Variants in PPP1R12A observed in about 807,000 individuals in gnomAD.
The protein encoded by PPP1R12A is myosin binding subunit.
A neutral mutation model predicts 139.6 loss-of-function variants in PPP1R12A; 19 were observed. The ratio of observed to expected loss-of-function variants is 0.14; its 90% CI spans 0.09 to 0.20. The LOEUF is 0.20. PPP1R12A is among the 10% of genes least tolerant of loss of function. The pLI, the probability that PPP1R12A is intolerant of heterozygous loss-of-function variation, is 1.00. For synonymous variants in PPP1R12A, 427 were observed against 420.6 expected (o/e 1.02, Z -0.19); for missense variants, 925 against 1,211.5 (o/e 0.76, Z 3.51).
chr12:79,930,198 G>A (rs1275367670), intron 1 of PPP1R12A, among the ~76,000 whole-genome samples: 1 of 152,194 alleles, frequency 6.6e-6, no homozygotes, highest in Non-Finnish European at 1.5e-5. Flanking sequence ...GCAAACGAGG[G>A]AGAGAGGATA....
In PPP1R12A at chr12:79,775,039, A is replaced by AAT. The variant is rs975931432; in HGVS notation, c.*888_*889dup. ...CTACTCTGCATTAGCAGACATTTGA[A>AAT]ATAAGAAATAGTCAAGCATGCCATG... is the stretch of plus-strand genomic sequence containing the variant. On this transcript the variant is annotated 3_prime_UTR_variant, in exon 25 of 25. Transcript: ENST00000450142. 6.6e-6 allele frequency: 1 copy of AAT among 152,528 alleles called. No homozygotes were observed. Among genetic ancestry groups the AAT allele is most frequent in the African/African-American group, 2.4e-5 (1 of 41,440 alleles). The allele number at this position is 152,528 out of a possible 1,614,324, so 9.4% of individuals were successfully genotyped here. A position where few individuals can be genotyped will look rare whatever the true frequency, so the allele number is the denominator to read the frequency against.
At chr12:79,877,403 G>A (rs924476869) in intron 1 of PPP1R12A, among the ~76,000 whole-genome samples, 2 of 152,152 alleles carry the variant, frequency 1.3e-5, no homozygotes, top group African/African-American at 4.8e-5. Flanking sequence ...ATTTAATGAC[G>A]AAGAAACATA....
intron 2 of PPP1R12A, among the ~76,000 whole-genome samples, chr12:79,851,268 G>A (rs1372949877): frequency 1.3e-5 from 2 of 152,124 alleles, no homozygotes; most frequent in Admixed American, 6.5e-5. Flanking sequence ...AAGTCTCTGA[G>A]CAACAAAATG....
chr12:79,805,667 G>A lies in PPP1R12A; in HGVS notation c.1925C>T (p.Ala642Val). ...IPVAPTVVNA[A>V]ASTTTLTTTT... ...TGTAGTCAGGGTTGTGGTAGAAGCT[G>A]CAGCATTTACAACAGTTGGAGCAAC... The change falls in exon 14 of 25, where the codon GCA (alanine) becomes GTA (valine). Residue 642 changes from alanine to valine, a missense_variant. Ala to Val is a moderately conservative substitution (Grantham distance 64, BLOSUM62 0). Around this residue, in one of 4 missense-constraint regions of PPP1R12A, gnomAD observed 403 missense variants for 463.7 expected, o/e 0.87. Coordinates refer to ENST00000450142, the MANE Select transcript of PPP1R12A (RefSeq NM_002480.3). 1 of 1,613,802 alleles carries A rather than the reference G, an allele frequency of 6.2e-7. No individual in the cohort carries two copies. The highest frequency in any genetic ancestry group is 1.1e-5 in the South Asian group (1 of 91,062).
intron 9 of PPP1R12A, among the ~76,000 whole-genome samples, chr12:79,812,095 A>C (rs1358230662): frequency 6.6e-6 from 1 of 152,186 alleles, no homozygotes; most frequent in African/African-American, 2.4e-5. Context: ...CTGTTATTTT[A>C]GAGTTGAGAA....
At chr12:79,803,359 A>G (rs965988622) in intron 14 of PPP1R12A, among the ~76,000 whole-genome samples, 1 of 152,168 alleles carries the variant, frequency 6.6e-6, no homozygotes. Flanking sequence ...AAAAGATGGT[A>G]GAATATACCC....
intron 2 of PPP1R12A, 56 bp from the exon 3 acceptor site, chr12:79,845,476 T>G (rs1879263930): frequency 8.1e-7 from 1 of 1,242,086 alleles, no homozygotes. Context: ...GAAATAAAAC[T>G]AAATGCATAA....
chr12:79,847,566 G>T (rs898450823), intron 2 of PPP1R12A, among the ~76,000 whole-genome samples: 1 of 152,090 alleles, frequency 6.6e-6, no homozygotes, highest in Non-Finnish European at 1.5e-5. Flanking sequence ...TATTTATGGA[G>T]TGTCTAGTAT....
At chr12:79,883,026 A>G (rs1219629853) in intron 1 of PPP1R12A, among the ~76,000 whole-genome samples, 2 of 152,108 alleles carry the variant, frequency 1.3e-5, no homozygotes, top group African/African-American at 4.8e-5. Flanking sequence ...AATCCCAGCT[A>G]CTCGGGAGGT....
chr12:79,817,256 C>A, intron 9 of PPP1R12A, 138 bp downstream of exon 9: 1 of 787,082 alleles, frequency 1.3e-6, no homozygotes, highest in South Asian at 2.5e-5. Context: ...AACTGAGAAA[C>A]ATAAATACAT....
At chr12:79,795,025 T>C (rs1419144971) in intron 18 of PPP1R12A, among the ~76,000 whole-genome samples, 2 of 152,014 alleles carry the variant, frequency 1.3e-5, no homozygotes, top group East Asian at 1.9e-4. Context: ...TCATTCTGAG[T>C]GGTGATTACA....
At position 79,832,632 on chromosome 12, in the gene PPP1R12A, T is replaced by C. The variant is rs1383907770; in HGVS notation, c.488-141A>G. On this transcript the variant is annotated intron_variant, in intron 3 of 24. Transcript: ENST00000450142. The stretch of plus-strand genomic sequence containing the variant: ...TTTAAAATGGGCTGCTTATAACAAG[T>C]TGGTTAAACTAAAAAATGTGGGGAT... 9.0e-6 allele frequency: 7 copies of C among 777,148 alleles called. No homozygotes were observed. The Admixed American group carries it at 1.1e-4, about 12-fold the overall frequency. The allele number at this position is 777,148 out of a possible 1,614,324, so 48.1% of individuals were successfully genotyped here.
At chr12:79,919,053 T>C (rs1887226258) in intron 1 of PPP1R12A, among the ~76,000 whole-genome samples, 1 of 150,206 alleles carries the variant, frequency 6.7e-6, no homozygotes, top group South Asian at 2.1e-4. Context: ...GAGGCAGAGG[T>C]GGCAGTGAGC....
intron 1 of PPP1R12A, among the ~76,000 whole-genome samples, chr12:79,889,518 C>T (rs1003108988): frequency 6.6e-6 from 1 of 152,120 alleles, no homozygotes; most frequent in Non-Finnish European, 1.5e-5. Context: ...CTCCCATATC[C>T]CTGTATCTTT....
Position 79,796,783 on chromosome 12 carries a change from T to C in PPP1R12A, c.2460A>G (p.Arg820=), listed in dbSNP as rs756614700. The C allele has an allele frequency of 2.5e-6, 4 of 1,599,390 alleles. No individual in the cohort carries two copies. The South Asian group carries it at 4.5e-5, about 18-fold the overall frequency. ...YSRGITKENE[R]EGEKREEEKE... Reference sequence around the variant, plus strand: ...GTTTTCAAAATTTGGTATTCTTACCTCTTTCATTTTCTTTTGTTATTCCTC... The same window carrying C: ...GTTTTCAAAATTTGGTATTCTTACCCCTTTCATTTTCTTTTGTTATTCCTC... The change falls in exon 17 of 25, where the codon AGA becomes AGG. Residue 820 remains arginine (R), a splice_region_variant and synonymous_variant. Transcript: ENST00000450142.
intron 1 of PPP1R12A, among the ~76,000 whole-genome samples, chr12:79,879,250 C>T (rs141428115): frequency 1.9e-4 from 29 of 152,140 alleles, no homozygotes; most frequent in African/African-American, 5.8e-4. Context: ...CACGGTGGCA[C>T]ATGCTACTTG....
intron 15 of PPP1R12A, 26 bp downstream of exon 15, chr12:79,798,468 T>G: frequency 7.1e-7 from 1 of 1,406,488 alleles, no homozygotes; most frequent in Non-Finnish European, 9.7e-7. Flanking sequence ...TATGTAAGTT[T>G]TATATATTAA....
At chr12:79,821,234 T>C in intron 6 of PPP1R12A, 68 bp from the exon 7 acceptor site, 1 of 1,089,576 alleles carries the variant, frequency 9.2e-7, no homozygotes, top group Non-Finnish European at 1.4e-6. Context: ...ATGCAGAGTT[T>C]AAAATAATAA....
At chr12:79,870,483 T>C (rs951685304) in intron 2 of PPP1R12A, among the ~76,000 whole-genome samples, 14 of 152,218 alleles carry the variant, frequency 9.2e-5, no homozygotes, top group African/African-American at 3.4e-4. Context: ...TCATCCAGTA[T>C]ATGCTAGAGT....
Sources: allele counts gnomAD v4.1 joint callset (sites outside exome capture counted in the v4.1 genomes callset), GRCh38; gene constraint gnomAD v4.1.1; regional missense constraint gnomAD v4.1.1; transcripts MANE v1.5; gene names NCBI Gene and HGNC (gene_info 2026-07-23, HGNC 2026-07-21).